The following BRINP1 variants were observed in gnomAD, a reference collection of about 807,000 sequenced individuals.
The protein encoded by BRINP1 is BMP/retinoic acid-inducible neural-specific protein 1.
BRINP1 carries 17 observed loss-of-function variants against 72.9 expected under a neutral mutation model. That is an observed-to-expected ratio of 0.23 (90% CI 0.16 to 0.35). BRINP1 has a LOEUF of 0.35. Ranked by LOEUF, BRINP1 falls within the 10% of genes least tolerant of loss-of-function variation. The probability of loss-of-function intolerance (pLI) is 1.00; values close to 1 mark genes in which losing one functional copy is unlikely to be tolerated. For missense variants in BRINP1, 850 were observed against 1,001.6 expected (o/e 0.85, Z 2.04); for synonymous variants, 418 against 378.5 (o/e 1.10, Z -1.21).
intron 1 of BRINP1, among the ~76,000 whole-genome samples, chr9:119,352,496 C>T (rs954272425): frequency 5.9e-5 from 9 of 152,056 alleles, no homozygotes; most frequent in East Asian, 3.9e-4. Flanking sequence ...TGCAGTGGTG[C>T]GATCTCAGCT....
At chr9:119,303,509 G>A (rs538699865) in intron 2 of BRINP1, among the ~76,000 whole-genome samples, 5 of 152,260 alleles carry the variant, frequency 3.3e-5, no homozygotes, top group Admixed American at 1.3e-4. Flanking sequence ...TTAGACTCTC[G>A]CGAATCGTGG....
At chr9:119,343,398 C>T (rs762642516) in intron 1 of BRINP1, among the ~76,000 whole-genome samples, 3 of 152,124 alleles carry the variant, frequency 2.0e-5, no homozygotes, top group Admixed American at 1.3e-4. Context: ...CTCCATTCCC[C>T]GCCTGGCACC....
intron 7 of BRINP1, 100 bp from the exon 8 acceptor site, chr9:119,168,324 T>TGAAAG (rs1438593888): frequency 3.5e-5 from 33 of 930,136 alleles, no homozygotes; most frequent in Non-Finnish European, 4.8e-5. Context: ...GCCAAAAAGA[T>TGAAAG]GAAAGGACTG....
intron 1 of BRINP1, among the ~76,000 whole-genome samples, chr9:119,363,442 C>T (rs2119045795): frequency 6.6e-6 from 1 of 152,228 alleles, no homozygotes; most frequent in East Asian, 1.9e-4. Flanking sequence ...ATGCTCTTTC[C>T]CCACAAAATT....
At chr9:119,184,500 T>A (rs1829595281) in intron 7 of BRINP1, among the ~76,000 whole-genome samples, 1 of 152,172 alleles carries the variant, frequency 6.6e-6, no homozygotes, top group Non-Finnish European at 1.5e-5. Context: ...TGTGGGCTTG[T>A]GCCTCTTATT....
intron 7 of BRINP1, among the ~76,000 whole-genome samples, chr9:119,203,598 C>G (rs896334820): frequency 6.6e-5 from 10 of 152,116 alleles, no homozygotes; most frequent in African/African-American, 2.4e-4. Context: ...CTATTATTAG[C>G]TCCATTTTAC....
intron 1 of BRINP1, among the ~76,000 whole-genome samples, chr9:119,341,534 C>T (rs1223879269): frequency 6.6e-6 from 1 of 152,060 alleles, no homozygotes; most frequent in Non-Finnish European, 1.5e-5. Context: ...AGCAGTGAGC[C>T]GCAGCTCCCA....
chr9:119,284,271 T>A (rs1221147), intron 2 of BRINP1, among the ~76,000 whole-genome samples: 128,429 of 152,170 alleles, frequency 0.84, 54,379 homozygotes, highest in East Asian at 1. Flanking sequence ...AGAGACTTGA[T>A]TATCCAATTT....
chr9:119,238,730 A>G lies in BRINP1; in HGVS notation c.610T>C (p.Cys204Arg), dbSNP rs759055737. Reference protein sequence around the residue: ...VTETRTGPLGCNSYDNLDSVS... With the variant: ...VTETRTGPLGRNSYDNLDSVS... Reference sequence around the variant, plus strand: ...GAGTCCAGATTGTCATAGCTGTTACAGCCCAGAGGCCCAGTGCGTGTCTCT... The same window carrying G: ...GAGTCCAGATTGTCATAGCTGTTACGGCCCAGAGGCCCAGTGCGTGTCTCT... The change falls in exon 5 of 8, where the codon TGT becomes CGT. Residue 204 changes from cysteine to arginine, a missense_variant. By Grantham distance (180) the Cys-to-Arg change is radical (BLOSUM62 -3). Coordinates refer to ENST00000265922, the MANE Select transcript of BRINP1 (RefSeq NM_014618.3). 3 of 1,611,486 alleles carry G rather than the reference A, an allele frequency of 1.9e-6. No individual in the cohort carries two copies. The highest frequency in any genetic ancestry group is 2.5e-6 in the Non-Finnish European group (3 of 1,179,218).
At chr9:119,175,715 C>T (rs1246316375) in intron 7 of BRINP1, among the ~76,000 whole-genome samples, 1 of 152,128 alleles carries the variant, frequency 6.6e-6, no homozygotes, top group African/African-American at 2.4e-5. Flanking sequence ...GAAGCAGCAT[C>T]AGAGTAGGAA....
intron 7 of BRINP1, among the ~76,000 whole-genome samples, chr9:119,194,131 C>G (rs1268732400): frequency 6.6e-6 from 1 of 152,152 alleles, no homozygotes; most frequent in Non-Finnish European, 1.5e-5. Flanking sequence ...AGCTAAATAC[C>G]AATGAGTGAT....
intron 1 of BRINP1, among the ~76,000 whole-genome samples, chr9:119,364,125 C>T (rs1256130784): frequency 6.6e-6 from 1 of 150,520 alleles, no homozygotes; most frequent in Non-Finnish European, 1.5e-5. Flanking sequence ...CAAGCAGATG[C>T]TACAGAAGAC....
chr9:119,205,267 C>T (rs118172382), intron 7 of BRINP1, among the ~76,000 whole-genome samples: 1,991 of 152,238 alleles, frequency 0.013, 26 homozygotes, highest in Middle Eastern at 0.027. Context: ...TCCTACCCCT[C>T]GGTACCTAGC....
chr9:119,195,632 A>T (rs1300375356), intron 7 of BRINP1, among the ~76,000 whole-genome samples: 4 of 152,250 alleles, frequency 2.6e-5, no homozygotes, highest in African/African-American at 9.6e-5. Flanking sequence ...TTTCCTAATT[A>T]TACCAGAAAT....
Position 119,249,012 on chromosome 9 carries a change from A to G in BRINP1, c.357T>C (p.Asp119=). Residue 119 remains aspartate, a synonymous_variant, in exon 3 of 8, where the codon GAT becomes GAC. Coordinates refer to ENST00000265922, the MANE Select transcript of BRINP1 (RefSeq NM_014618.3). Reference sequence around the variant, plus strand: ...GGGTGCCGTACTTTTTGATGATGGTATCGATGAACTGCTGAGTGGTAGGTC... The same window carrying G: ...GGGTGCCGTACTTTTTGATGATGGTGTCGATGAACTGCTGAGTGGTAGGTC... ...GRRPTTQQFI[D]TIIKKYGTHL... is the part of the protein sequence containing the mutation. The G allele has an allele frequency of 2.5e-6, 4 of 1,614,046 alleles. No homozygotes were observed. The highest frequency in any genetic ancestry group is 3.4e-6 in the Non-Finnish European group (4 of 1,179,992).
In BRINP1 at chr9:119,167,152, G is replaced by A. The variant is rs765578978; in HGVS notation, c.2218C>T (p.His740Tyr). The part of the protein sequence containing the change: ...LTNSEIIRVN[H>Y]ALDLYNTEIL... ...TCCGTGTTGTACAGGTCCAAGGCGT[G>A]GTTCACCCTGATGATCTCGCTGTTG... The change falls in exon 8 of 8, where the codon CAC (histidine) becomes TAC (tyrosine). Residue 740 changes from histidine to tyrosine, a missense_variant. By Grantham distance (83) the His-to-Tyr change is moderately conservative. Transcript: ENST00000265922. The surrounding 1 kb of genome is among the most constrained non-coding windows in gnomAD (Gnocchi z 4.3). 1 of 1,614,108 alleles carries A rather than the reference G, an allele frequency of 6.2e-7. No individual in the cohort carries two copies. Among genetic ancestry groups the A allele is most frequent in the Non-Finnish European group, 8.5e-7 (1 of 1,180,032 alleles).
chr9:119,178,105 G>A (rs895921101), intron 7 of BRINP1, among the ~76,000 whole-genome samples: 2 of 152,128 alleles, frequency 1.3e-5, no homozygotes, highest in Admixed American at 1.3e-4. Flanking sequence ...CCCTGGACAG[G>A]GAGGATGAAA....
intron 7 of BRINP1, among the ~76,000 whole-genome samples, chr9:119,181,455 T>C (rs1829556863): frequency 2.0e-5 from 3 of 152,206 alleles, no homozygotes; most frequent in Admixed American, 1.3e-4. Flanking sequence ...CCTGACCTCT[T>C]TGACCTTCAG....
chr9:119,325,042 G>A (rs1224435848), intron 1 of BRINP1, among the ~76,000 whole-genome samples: 1 of 152,002 alleles, frequency 6.6e-6, no homozygotes, highest in African/African-American at 2.4e-5. Context: ...GAAAGTTGTA[G>A]TGAGCTGAGA....
Sources: allele counts gnomAD v4.1 joint callset (sites outside exome capture counted in the v4.1 genomes callset), GRCh38; gene constraint gnomAD v4.1.1; non-coding constraint Gnocchi (gnomAD v3.1); transcripts MANE v1.5; gene names NCBI Gene and HGNC (gene_info 2026-07-23, HGNC 2026-07-21).